MID1: variants seen among roughly 807,000 people sequenced by gnomAD.
MID1 encodes E3 ubiquitin-protein ligase Midline-1.
A neutral mutation model predicts 40.4 loss-of-function variants in MID1; 7 were observed. The ratio of observed to expected loss-of-function variants is 0.17; its 90% CI spans 0.10 to 0.33. The LOEUF is 0.33. Ranked by LOEUF, MID1 falls within the 10% of genes least tolerant of loss-of-function variation. The pLI is 1.00. For synonymous variants in MID1, 229 were observed against 221.2 expected (o/e 1.04, Z -0.31); for missense variants, 367 against 558.5 (o/e 0.66, Z 3.46).
intron 3 of MID1, among the ~76,000 whole-genome samples, chrX:10,510,977 G>A (rs956529749): frequency 1.8e-5 from 2 of 110,154 alleles, no homozygotes; most frequent in African/African-American, 3.3e-5. Context: ...GGGCGTGGTC[G>A]CTCATGCCTG....
At chrX:10,668,462 G>GT (rs2147589609) in intron 1 of MID1, among the ~76,000 whole-genome samples, 1 of 111,945 alleles carries the variant, frequency 8.9e-6, no homozygotes, top group African/African-American at 3.2e-5. Context: ...GTTCTATACA[G>GT]TACTTTACAA....
At chrX:10,517,713 C>T (rs1932519627) in intron 3 of MID1, among the ~76,000 whole-genome samples, 2 of 111,994 alleles carry the variant, frequency 1.8e-5, no homozygotes, top group Middle Eastern at 4.6e-3. Flanking sequence ...ATACATTCCT[C>T]GTCTTTCTAT....
intron 1 of MID1, among the ~76,000 whole-genome samples, chrX:10,730,587 T>TC (rs1491583744): frequency 2.0e-5 from 2 of 99,643 alleles, no homozygotes; most frequent in African/African-American, 7.9e-5. Context: ...TTTTTTTTTT[T>TC]CTGAGACGGA....
At chrX:10,718,794 C>T (rs2043325259) in intron 1 of MID1, among the ~76,000 whole-genome samples, 2 of 111,621 alleles carry the variant, frequency 1.8e-5, no homozygotes, top group Admixed American at 1.9e-4. Context: ...TGCAAAAATC[C>T]TCAATAAAAT....
chrX:10,754,299 G>GTTTTTT lies in MID1; in HGVS notation c.-187+79249_-187+79254dup, dbSNP rs1268373586. Among the ~76,000 whole-genome samples, 26 of 102,172 alleles carry GTTTTTT rather than the reference G, an allele frequency of 2.5e-4. 1 individual carries two copies. The highest frequency in any genetic ancestry group is 1.1e-3 in the African/African-American group (26 of 23,032). 88.7% of individuals were successfully genotyped at this position (102,172 alleles called of 115,157 possible). ...TTATTAGAAAAGAATAGACAAGAGA[G>GTTTTTT]TTTTTTTTTGTTTTTTGTTTTTTGT... On this transcript the variant is annotated intron_variant, in intron 1 of 10. Transcript: ENST00000380785.
At chrX:10,484,835 A>C (rs1294540740) in intron 4 of MID1, among the ~76,000 whole-genome samples, 1 of 111,932 alleles carries the variant, frequency 8.9e-6, no homozygotes, top group Admixed American at 9.5e-5. Flanking sequence ...CCTTTAAAAA[A>C]CCAAATAGAA....
chrX:10,614,398 A>G (rs1324314399), intron 1 of MID1, among the ~76,000 whole-genome samples: 3 of 112,156 alleles, frequency 2.7e-5, no homozygotes, highest in Non-Finnish European at 5.6e-5. Context: ...GGGCAGACAC[A>G]CCAGCAAGTT....
At chrX:10,467,461 G>A (rs1025141000) in intron 7 of MID1, among the ~76,000 whole-genome samples, 3 of 111,729 alleles carry the variant, frequency 2.7e-5, no homozygotes, top group South Asian at 7.4e-4. Context: ...CCAGGAAAAT[G>A]GGCCAGACGC....
In MID1 at chrX:10,773,649, G is replaced by A. The variant is rs186780409; in HGVS notation, c.-187+59905C>T. On this transcript the variant is annotated intron_variant, in intron 1 of 10. Transcript: ENST00000380785. ...CCCTGGTTACATTTTATCTTGTTTTGTAAATTATGTTGTATTGTTTGTTAT... is the reference window on the plus strand; with the variant it reads ...CCCTGGTTACATTTTATCTTGTTTTATAAATTATGTTGTATTGTTTGTTAT... Among the ~76,000 whole-genome samples, 18 of 111,978 alleles carry A rather than the reference G, an allele frequency of 1.6e-4. No individual in the cohort carries two copies. The Admixed American group carries it at 1.7e-3, about 11-fold the overall frequency.
intron 9 of MID1, among the ~76,000 whole-genome samples, chrX:10,451,076 T>C (rs186740669): frequency 9.0e-6 from 1 of 111,621 alleles, no homozygotes; most frequent in African/African-American, 3.3e-5. Flanking sequence ...AAAAGAAAAT[T>C]AACACAACAT....
intron 1 of MID1, among the ~76,000 whole-genome samples, chrX:10,823,545 A>T (rs2044192980): frequency 8.9e-6 from 1 of 111,811 alleles, no homozygotes; most frequent in African/African-American, 3.2e-5. Context: ...AACTTCAAAA[A>T]AAGTAAAAAA....
At chrX:10,498,271 A>C (rs1337222180) in intron 3 of MID1, among the ~76,000 whole-genome samples, 1 of 111,614 alleles carries the variant, frequency 9.0e-6, no homozygotes, top group Non-Finnish European at 1.9e-5. Flanking sequence ...TCCCGGCTAA[A>C]TTTTTTTAAA....
intron 1 of MID1, among the ~76,000 whole-genome samples, chrX:10,735,047 C>A (rs1218408417): frequency 8.9e-6 from 1 of 112,092 alleles, no homozygotes; most frequent in South Asian, 3.7e-4. Context: ...GACTTCCCTT[C>A]GGTATCTCTT....
At chrX:10,577,294 C>T (rs959642013) in intron 1 of MID1, among the ~76,000 whole-genome samples, 1 of 112,074 alleles carries the variant, frequency 8.9e-6, no homozygotes, top group Non-Finnish European at 1.9e-5. Flanking sequence ...GGGCTGGGAA[C>T]AGGCACTAGA....
intron 1 of MID1, among the ~76,000 whole-genome samples, chrX:10,706,569 G>A (rs1168186623): frequency 9.0e-6 from 1 of 111,032 alleles, no homozygotes; most frequent in Non-Finnish European, 1.9e-5. Context: ...CTGCCACCAG[G>A]TGAAGAAGGA....
intron 2 of MID1, chrX:10,565,450 C>G (rs1428496447): frequency 3.0e-6 from 1 of 329,656 alleles, no homozygotes; most frequent in African/African-American, 2.7e-5. Context: ...GTAAACACAA[C>G]CACCCATTAG....
intron 1 of MID1, among the ~76,000 whole-genome samples, chrX:10,647,255 C>G (rs1409220339): frequency 9.0e-6 from 1 of 111,718 alleles, no homozygotes; most frequent in Non-Finnish European, 1.9e-5. Flanking sequence ...TCTATGTCTT[C>G]CAGCTCCCGA....
chrX:10,768,543 G>T (rs2043746019), intron 1 of MID1, among the ~76,000 whole-genome samples: 1 of 111,713 alleles, frequency 9.0e-6, no homozygotes, highest in South Asian at 3.7e-4. Context: ...AGCCAACTCT[G>T]CATGCCTCAT....
rs749719615 is a variant in MID1, at chrX:10,474,717, T to C, written c.1047A>G (p.Leu349=). ...TGTCATTGAGGTTGATTTCAGGAAT[T>C]AGAACCTGGGAGGATGCAGTTGCCA... ...VSMATASSQV[L]IPEINLNDTF... The change falls in exon 6 of 10, where the codon CTA becomes CTG. Residue 349 remains leucine (L), a synonymous_variant. Coordinates refer to ENST00000317552, the MANE Select transcript of MID1 (RefSeq NM_000381.4). The C allele has an allele frequency of 2.5e-6, 3 of 1,207,286 alleles. No individual in the cohort carries two copies. The highest frequency in any genetic ancestry group is 3.5e-5 in the African/African-American group (2 of 57,176).
Sources: allele counts gnomAD v4.1 joint callset (sites outside exome capture counted in the v4.1 genomes callset), GRCh38; gene constraint gnomAD v4.1.1; transcripts MANE v1.5; gene names NCBI Gene and HGNC (gene_info 2026-07-23, HGNC 2026-07-21).